The following LMO3 variants were observed in gnomAD, a reference collection of about 807,000 sequenced individuals.
LMO3 encodes LIM domain only protein 3.
In LMO3, 2 loss-of-function variants were observed where a neutral mutation model predicts 15.8. The ratio of observed to expected loss-of-function variants is 0.13; its 90% confidence interval spans 0.05 to 0.40. LMO3 has a LOEUF of 0.40. Among genes scored for constraint, LMO3 ranks in the 10% least tolerant of loss-of-function variants. The pLI is 0.99. For missense variants in LMO3, 86 were observed against 182.2 expected, an observed-to-expected ratio of 0.47 and a Z score of 3.04; for synonymous variants, 62 against 63.8, an observed-to-expected ratio of 0.97 and a Z score of 0.13.
chr12:16,563,491 A>G (rs1399753392), intron 2 of LMO3, among the ~76,000 whole-genome samples: 2 of 152,196 alleles, frequency 1.3e-5, no homozygotes, highest in Admixed American at 1.3e-4. Flanking sequence ...TCTCCTTTGT[A>G]AGATTTTTTT....
In LMO3 at chr12:16,603,313, G is replaced by T. The variant is rs1342597950; in HGVS notation, c.-8-2445C>A. Among the ~76,000 whole-genome samples the T allele has an allele frequency of 6.6e-6, 1 of 152,140 alleles. No individual in the cohort carries two copies. Among genetic ancestry groups the T allele is most frequent in the Non-Finnish European group, 1.5e-5 (1 of 68,028 alleles). Reference sequence around the variant, plus strand: ...ACATCATGGCAATTCTCTTGAAAATGGAATCTCTTGAATTCCATGCAAGTT... The same window carrying T: ...ACATCATGGCAATTCTCTTGAAAATTGAATCTCTTGAATTCCATGCAAGTT... On this transcript the variant is annotated intron_variant, in intron 1 of 3. Transcript: ENST00000537304. This position sits in a 1 kb window ranked among gnomAD's most constrained non-coding sequence, Gnocchi z 4.9.
At position 16,551,040 on chromosome 12, in the gene LMO3, A is replaced by T. The variant is rs1281084637; in HGVS notation, c.*182T>A. On this transcript the variant is annotated 3_prime_UTR_variant, in exon 4 of 4. Coordinates refer to ENST00000537304, the MANE Select transcript of LMO3 (RefSeq NM_018640.5). ...TTTTTTCTTTAATAATAAACATTCA[A>T]CTCTGAACTGGGGCAATTTCACTAC... 1.9e-6 allele frequency: 1 copy of T among 520,188 alleles called. No individual in the cohort carries two copies. 32.2% of individuals were successfully genotyped at this position (520,188 alleles called of 1,614,324 possible).
Position 16,560,298 on chromosome 12 carries a change from GA to G in LMO3, c.332+114del. ...GCATGGGATTAAAGTTTACAGAACAGAAAAACGCTGAGATTGATTGCTTTAA... is the reference window on the plus strand; with the variant it reads ...GCATGGGATTAAAGTTTACAGAACAGAAAACGCTGAGATTGATTGCTTTAA... On this transcript the variant is annotated intron_variant, in intron 3 of 3. Transcript: ENST00000537304. The surrounding 1 kb of genome is among the most constrained non-coding windows in gnomAD (Gnocchi z 5.0). 8.2e-7 allele frequency: 1 copy of G among 1,213,078 alleles called. No homozygotes were observed. Among genetic ancestry groups the G allele is most frequent in the Non-Finnish European group, 1.1e-6 (1 of 882,280 alleles). 75.1% of individuals were successfully genotyped at this position (1,213,078 alleles called of 1,614,324 possible).
At chr12:16,554,071 C>T (rs930525741) in intron 3 of LMO3, among the ~76,000 whole-genome samples, 3 of 151,966 alleles carry the variant, frequency 2.0e-5, no homozygotes, top group African/African-American at 7.2e-5. Flanking sequence ...ATTATTAAAC[C>T]ATCTAATTCT....
In LMO3 at chr12:16,576,519, C is replaced by T. The variant is rs1335466133; in HGVS notation, c.207-15981G>A. Among the ~76,000 whole-genome samples the T allele has an allele frequency of 3.3e-5, 5 of 152,158 alleles. No individual in the cohort carries two copies. Among genetic ancestry groups the T allele is most frequent in the African/African-American group, 9.7e-5 (4 of 41,428 alleles). The stretch of plus-strand genomic sequence containing the variant: ...TCCTTGAGGCAGAATAAATAACACA[C>T]TTCTTTAGACATTTAAGCACTTGTT... On this transcript the variant is annotated intron_variant, in intron 2 of 3. Coordinates refer to ENST00000537304, the MANE Select transcript of LMO3 (RefSeq NM_018640.5). This position sits in a 1 kb window ranked among gnomAD's most constrained non-coding sequence, Gnocchi z 4.1.
At chr12:16,557,222 C>A (rs1369971796) in intron 3 of LMO3, among the ~76,000 whole-genome samples, 2 of 151,986 alleles carry the variant, frequency 1.3e-5, no homozygotes, top group African/African-American at 4.8e-5. Context: ...AAATAGGTAA[C>A]CCTACTTAAT....
At chr12:16,594,471 C>A in intron 2 of LMO3, 1 of 417,442 alleles carries the variant, frequency 2.4e-6, no homozygotes, top group Admixed American at 3.7e-5. Flanking sequence ...CAGATCTTGT[C>A]CAGCATTTAC....
chr12:16,573,350 T>C (rs1473050093), intron 2 of LMO3, among the ~76,000 whole-genome samples: 2 of 152,136 alleles, frequency 1.3e-5, no homozygotes, highest in Non-Finnish European at 2.9e-5. Context: ...AAACATGAGG[T>C]ACTGGAATCA....
In LMO3 at chr12:16,604,910, G is replaced by C. The variant is rs1943938087; in HGVS notation, c.-9+1156C>G. 6.3e-7 allele frequency: 1 copy of C among 1,598,438 alleles called. No homozygotes were observed. The highest frequency in any genetic ancestry group is 8.5e-7 in the Non-Finnish European group (1 of 1,179,808). ...TGCATGAGTTGACTTAGGCGTGTCT[G>C]AGTTGCAGCAGCTTCGCATTGAGCA... is the stretch of plus-strand genomic sequence containing the variant. On this transcript the variant is annotated intron_variant, in intron 1 of 3. Coordinates refer to ENST00000537304, the MANE Select transcript of LMO3 (RefSeq NM_018640.5). The surrounding 1 kb of genome is among the most constrained non-coding windows in gnomAD (Gnocchi z 5.3).
At position 16,549,060 on chromosome 12, in the gene LMO3, A is replaced by T. The variant is rs1941891054; in HGVS notation, c.*2162T>A. 1 of 152,188 alleles carries T rather than the reference A, an allele frequency of 6.6e-6. No homozygotes were observed. Among genetic ancestry groups the T allele is most frequent in the African/African-American group, 2.4e-5 (1 of 41,444 alleles). 9.4% of individuals were successfully genotyped at this position (152,188 alleles called of 1,614,324 possible). ...AAAGCAAAACCAGTTAAACCTTAAA[A>T]GATCATCTGAATAAGATCCTGACAA... On this transcript the variant is annotated 3_prime_UTR_variant, in exon 4 of 4. Transcript: ENST00000537304.
intron 2 of LMO3, among the ~76,000 whole-genome samples, chr12:16,590,781 G>A (rs780432517): frequency 1.6e-4 from 24 of 151,960 alleles, no homozygotes; most frequent in Non-Finnish European, 2.9e-4. Context: ...ATAGACGAAT[G>A]TAGATGCATC....
chr12:16,595,608 A>T (rs1943625947), intron 2 of LMO3, among the ~76,000 whole-genome samples: 1 of 151,512 alleles, frequency 6.6e-6, no homozygotes, highest in Non-Finnish European at 1.5e-5. Flanking sequence ...GGGAAAAATG[A>T]TCTTAAAATT....
chr12:16,589,316 G>A lies in LMO3; in HGVS notation c.206+11339C>T, dbSNP rs1191547903. On this transcript the variant is annotated intron_variant, in intron 2 of 3. Coordinates refer to ENST00000537304, the MANE Select transcript of LMO3 (RefSeq NM_018640.5). This position sits in a 1 kb window ranked among gnomAD's most constrained non-coding sequence, Gnocchi z 4.2. ...TGATGGAGAAGGGGCAATACCTAAT[G>A]TAGTAGAATAATGAGAAACACATGA... Among the ~76,000 whole-genome samples the A allele has an allele frequency of 6.6e-6, 1 of 152,180 alleles. No individual in the cohort carries two copies. The highest frequency in any genetic ancestry group is 1.9e-4 in the East Asian group (1 of 5,172).
rs961460639 is a variant in LMO3 at position 16,599,686 on chromosome 12, A to G, written c.206+969T>C. The G allele has an allele frequency of 2.6e-5, 4 of 152,342 alleles. No homozygotes were observed. The highest frequency in any genetic ancestry group is 1.9e-4 in the East Asian group (1 of 5,192). The allele number at this position is 152,342 out of a possible 1,614,324, so 9.4% of individuals were successfully genotyped here. Reference sequence around the variant, plus strand: ...ATTTGATAGATCCTACTTTATTAATATAAGTAATTTGCAGCTGAAGTAAGT... The same window carrying G: ...ATTTGATAGATCCTACTTTATTAATGTAAGTAATTTGCAGCTGAAGTAAGT... On this transcript the variant is annotated intron_variant, in intron 2 of 3. Transcript: ENST00000537304. This position sits in a 1 kb window ranked among gnomAD's most constrained non-coding sequence, Gnocchi z 4.1.
At chr12:16,573,751 A>G (rs980559610) in intron 2 of LMO3, 1 of 152,204 alleles carries the variant, frequency 6.6e-6, no homozygotes, top group African/African-American at 2.4e-5. Flanking sequence ...TTGCAAAACA[A>G]GGCCGTTACA....
intron 1 of LMO3, chr12:16,605,594 G>T (rs1307600783): frequency 8.8e-6 from 6 of 683,710 alleles, no homozygotes; most frequent in African/African-American, 3.7e-5. Context: ...ATGAATTCCA[G>T]CAAGTAAGGG....
rs748010943 is a variant in LMO3 at position 16,596,354 on chromosome 12, A to G, written c.206+4301T>C. On this transcript the variant is annotated intron_variant, in intron 2 of 3. Coordinates refer to ENST00000537304, the MANE Select transcript of LMO3 (RefSeq NM_018640.5). This position sits in a 1 kb window ranked among gnomAD's most constrained non-coding sequence, Gnocchi z 4.3. ...AATAGCAAATTGCATTAAATTTTAT[A>G]TAAGACATTTTACAGCTTCTTATAT... Among the ~76,000 whole-genome samples the G allele has an allele frequency of 2.0e-5, 3 of 151,662 alleles. No individual in the cohort carries two copies. The highest frequency in any genetic ancestry group is 4.8e-5 in the African/African-American group (2 of 41,404).
intron 2 of LMO3, among the ~76,000 whole-genome samples, chr12:16,590,539 CA>C (rs1482960380): frequency 6.6e-6 from 1 of 151,634 alleles, no homozygotes; most frequent in Non-Finnish European, 1.5e-5. Flanking sequence ...TAGCGGACTT[CA>C]AGAGTAGAAA....
At position 16,565,285 on chromosome 12, in the gene LMO3, G is replaced by C. The variant is rs141997095; in HGVS notation, c.207-4747C>G. Among the ~76,000 whole-genome samples the C allele has an allele frequency of 2.4e-4, 36 of 152,318 alleles. No individual in the cohort carries two copies. In the East Asian group the frequency reaches 6.4e-3, roughly 27 times the overall value. On this transcript the variant is annotated intron_variant, in intron 2 of 3. Transcript: ENST00000537304. ...TTTATTGAATATGTTTTGTGGGAAG[G>C]AATGAACATTTTCACAGATTGAAGG...
Sources: gnomAD v4.1 joint callset for allele counts (sites outside exome capture counted in the v4.1 genomes callset) on GRCh38, gnomAD v4.1.1 for gene constraint, Gnocchi (gnomAD v3.1) non-coding constraint, MANE v1.5 for transcripts, NCBI Gene and HGNC (gene_info 2026-07-23, HGNC 2026-07-21) for gene names.